MOB3B: variants seen among roughly 807,000 people sequenced by gnomAD.
MOB3B encodes MOB kinase activator 3B, also known as MOB kinase activator-like 2B.
A neutral mutation model predicts 18.7 loss-of-function variants in MOB3B; 7 were observed. That is an observed-to-expected ratio of 0.37 (90% CI 0.21 to 0.70). MOB3B has a LOEUF of 0.70. Ranked by LOEUF, MOB3B falls within the 30% of genes least tolerant of loss-of-function variation. The pLI, the probability that MOB3B is intolerant of heterozygous loss-of-function variation, is 0.52. For synonymous variants in MOB3B, 111 were observed against 99.9 expected (o/e 1.11, Z -0.66); for missense variants, 253 against 281.3 (o/e 0.90, Z 0.72).
intron 3 of MOB3B, among the ~76,000 whole-genome samples, chr9:27,351,951 C>G (rs1043477837): frequency 6.6e-6 from 1 of 152,072 alleles, no homozygotes; most frequent in African/African-American, 2.4e-5. Flanking sequence ...TAGAGCCTAC[C>G]ATAAATCTCA....
chr9:27,377,909 G>A (rs1821515299), intron 2 of MOB3B, among the ~76,000 whole-genome samples: 1 of 152,216 alleles, frequency 6.6e-6, no homozygotes, highest in African/African-American at 2.4e-5. Context: ...TGAAGGGCAG[G>A]GTGATGGGCA....
chr9:27,375,029 A>G (rs570603053), intron 2 of MOB3B, among the ~76,000 whole-genome samples: 3 of 152,110 alleles, frequency 2.0e-5, no homozygotes, highest in Non-Finnish European at 4.4e-5. Flanking sequence ...CCATGGGGCC[A>G]CCCCAGAGTG....
chr9:27,486,712 G>A (rs796435644), intron 1 of MOB3B, among the ~76,000 whole-genome samples: 31 of 152,336 alleles, frequency 2.0e-4, no homozygotes, highest in African/African-American at 6.3e-4. Context: ...GTGACTGTGG[G>A]GAGAAGTGGT....
intron 2 of MOB3B, among the ~76,000 whole-genome samples, chr9:27,382,918 T>C (rs938219561): frequency 3.3e-5 from 5 of 152,066 alleles, no homozygotes; most frequent in Admixed American, 3.3e-4. Flanking sequence ...TCTTTATGTG[T>C]TAAAGATATG....
At chr9:27,451,387 A>G (rs1041239653) in intron 2 of MOB3B, among the ~76,000 whole-genome samples, 42 of 152,222 alleles carry the variant, frequency 2.8e-4, no homozygotes, top group Non-Finnish European at 4.7e-4. Context: ...AAGAGAGAGT[A>G]AGGGAAACTA....
intron 2 of MOB3B, among the ~76,000 whole-genome samples, chr9:27,368,601 C>G (rs1055003734): frequency 3.3e-5 from 5 of 152,166 alleles, no homozygotes; most frequent in Admixed American, 6.5e-5. Flanking sequence ...AACAAGCTGA[C>G]AGCTGCAAAT....
chr9:27,389,405 T>A (rs1451879375), intron 2 of MOB3B, among the ~76,000 whole-genome samples: 1 of 83,152 alleles, frequency 1.2e-5, no homozygotes, highest in Admixed American at 1.4e-4. Context: ...CAAATGGGCT[T>A]CTTTCCAATT....
intron 2 of MOB3B, among the ~76,000 whole-genome samples, chr9:27,435,319 C>A (rs1563868020): frequency 6.6e-6 from 1 of 152,056 alleles, no homozygotes; most frequent in Non-Finnish European, 1.5e-5. Flanking sequence ...GGGGTTTTCC[C>A]CATGTGTACA....
chr9:27,511,257 AC>A (rs1040566877), intron 1 of MOB3B, among the ~76,000 whole-genome samples: 26 of 152,094 alleles, frequency 1.7e-4, no homozygotes, highest in African/African-American at 6.0e-4. Context: ...GACACTCAGA[AC>A]CCTTTATTTT....
At chr9:27,345,770 A>G (rs917061323) in intron 3 of MOB3B, among the ~76,000 whole-genome samples, 1 of 152,136 alleles carries the variant, frequency 6.6e-6, no homozygotes, top group Non-Finnish European at 1.5e-5. Flanking sequence ...CACTATGTGT[A>G]TTTCATGGGC....
chr9:27,514,296 T>C (rs2131502920), intron 1 of MOB3B, among the ~76,000 whole-genome samples: 2 of 139,030 alleles, frequency 1.4e-5, no homozygotes, highest in South Asian at 4.5e-4. Flanking sequence ...ATGAAGAAGC[T>C]CTTTCAGAGA....
chr9:27,339,348 C>G (rs1026390361), intron 3 of MOB3B, among the ~76,000 whole-genome samples: 2 of 152,076 alleles, frequency 1.3e-5, no homozygotes, highest in Non-Finnish European at 2.9e-5. Flanking sequence ...ATCAGCCACC[C>G]CAAATTTATT....
intron 1 of MOB3B, chr9:27,524,686 G>C (rs1820402398): frequency 1.2e-6 from 2 of 1,613,912 alleles, no homozygotes; most frequent in Non-Finnish European, 1.7e-6. Context: ...ATCCAAATAG[G>C]ACTTGATCAG....
intron 2 of MOB3B, among the ~76,000 whole-genome samples, chr9:27,441,379 C>T (rs1346181722): frequency 6.6e-6 from 1 of 152,110 alleles, no homozygotes; most frequent in African/African-American, 2.4e-5. Flanking sequence ...CACTTTATGG[C>T]TTCTCTTTGG....
At chr9:27,392,717 GT>G (rs1172985810) in intron 2 of MOB3B, among the ~76,000 whole-genome samples, 1 of 152,186 alleles carries the variant, frequency 6.6e-6, no homozygotes, top group Non-Finnish European at 1.5e-5. Context: ...AGAGACCAGT[GT>G]TTTGGAAAGA....
intron 2 of MOB3B, among the ~76,000 whole-genome samples, chr9:27,435,045 G>A (rs1196955961): frequency 8.1e-6 from 1 of 124,072 alleles, no homozygotes; most frequent in African/African-American, 3.4e-5. Context: ...TTTGTAAGGT[G>A]TTTCTCTCTC....
chr9:27,468,917 T>C (rs1341937901), intron 1 of MOB3B, among the ~76,000 whole-genome samples: 1 of 152,194 alleles, frequency 6.6e-6, no homozygotes, highest in African/African-American at 2.4e-5. Context: ...ACAGCTCCCA[T>C]GTTTTCATTT....
chr9:27,333,407 TTTC>T (rs1820817290), intron 3 of MOB3B, among the ~76,000 whole-genome samples: 1 of 152,128 alleles, frequency 6.6e-6, no homozygotes, highest in African/African-American at 2.4e-5. Flanking sequence ...GTTCCATCGC[TTTC>T]TTCATCAGAG....
At chr9:27,423,019 C>T (rs190100626) in intron 2 of MOB3B, among the ~76,000 whole-genome samples, 9 of 152,274 alleles carry the variant, frequency 5.9e-5, no homozygotes, top group South Asian at 4.1e-4. Context: ...TCTGAAAATA[C>T]TACAGAGCTG....
Sources: gnomAD v4.1 joint callset for allele counts (sites outside exome capture counted in the v4.1 genomes callset) on GRCh38, gnomAD v4.1.1 for gene constraint, MANE v1.5 for transcripts, NCBI Gene and HGNC (gene_info 2026-07-23, HGNC 2026-07-21) for gene names.